Variants in ARHGAP15 observed in about 807,000 individuals in gnomAD.
The protein encoded by ARHGAP15 is Rho GTPase activating protein 15, also known as rho GTPase-activating protein 15.
In ARHGAP15, 51 loss-of-function variants were observed where a neutral mutation model predicts 63.7. That is an observed-to-expected ratio of 0.80 (90% CI 0.64 to 1.01). The LOEUF (loss-of-function observed/expected upper bound fraction) is 1.01, where lower values mean the gene tolerates loss of function less well. Ranked by LOEUF, ARHGAP15 falls within the 50% of genes least tolerant of loss-of-function variation. The pLI is 0.00. For synonymous variants in ARHGAP15, 191 were observed against 193.8 expected (o/e 0.99, Z 0.12); for missense variants, 560 against 564.6 (o/e 0.99, Z 0.08).
chr2:143,313,303 A>G (rs111870018), intron 6 of ARHGAP15, among the ~76,000 whole-genome samples: 4 of 152,304 alleles, frequency 2.6e-5, no homozygotes, highest in African/African-American at 7.2e-5. Context: ...TGCTAAGAGA[A>G]AAGCAAGTAA....
chr2:143,195,592 A>T (rs1691859523), intron 2 of ARHGAP15, among the ~76,000 whole-genome samples: 1 of 152,196 alleles, frequency 6.6e-6, no homozygotes, highest in Non-Finnish European at 1.5e-5. Flanking sequence ...AAGAATTGGG[A>T]TACACCAAAA....
chr2:143,637,210 G>C (rs1432614513), intron 12 of ARHGAP15, among the ~76,000 whole-genome samples: 1 of 152,022 alleles, frequency 6.6e-6, no homozygotes, highest in Admixed American at 6.6e-5. Flanking sequence ...ATACTTCAGT[G>C]GACCGTTTTA....
At chr2:143,720,642 G>A (rs905306082) in intron 13 of ARHGAP15, among the ~76,000 whole-genome samples, 3 of 152,156 alleles carry the variant, frequency 2.0e-5, no homozygotes, top group Non-Finnish European at 4.4e-5. Flanking sequence ...TGGACAATAG[G>A]AACTGTGAAG....
At chr2:143,698,413 G>A (rs1299829101) in intron 12 of ARHGAP15, among the ~76,000 whole-genome samples, 1 of 152,166 alleles carries the variant, frequency 6.6e-6, no homozygotes, top group Non-Finnish European at 1.5e-5. Context: ...TGAAAAATGT[G>A]CCCTCAAAAC....
chr2:143,740,731 G>A (rs1231149548), intron 13 of ARHGAP15, among the ~76,000 whole-genome samples: 2 of 152,100 alleles, frequency 1.3e-5, no homozygotes, highest in Non-Finnish European at 2.9e-5. Flanking sequence ...ACTGTCAGTA[G>A]CACAGAGCTA....
intron 10 of ARHGAP15, among the ~76,000 whole-genome samples, chr2:143,521,551 G>T (rs776225927): frequency 6.6e-6 from 1 of 152,096 alleles, no homozygotes; most frequent in East Asian, 1.9e-4. Context: ...ATATAAAGGC[G>T]CCAAGTCTCT....
At chr2:143,176,908 C>T (rs923428880) in intron 2 of ARHGAP15, among the ~76,000 whole-genome samples, 7 of 152,144 alleles carry the variant, frequency 4.6e-5, no homozygotes, top group Admixed American at 4.6e-4. Context: ...GGCTCTCTTT[C>T]CTTCCACATG....
chr2:143,626,111 G>GA (rs1698824606), intron 12 of ARHGAP15, among the ~76,000 whole-genome samples: 1 of 152,168 alleles, frequency 6.6e-6, no homozygotes, highest in African/African-American at 2.4e-5. Flanking sequence ...GGCATGGTAA[G>GA]AACGGAACAT....
intron 12 of ARHGAP15, among the ~76,000 whole-genome samples, chr2:143,644,007 C>T (rs1484323355): frequency 1.3e-5 from 2 of 152,152 alleles, no homozygotes; most frequent in African/African-American, 2.4e-5. Context: ...AAGTACAATA[C>T]ATTTTCCTTA....
intron 5 of ARHGAP15, among the ~76,000 whole-genome samples, chr2:143,229,276 T>A (rs1473195252): frequency 1.3e-5 from 2 of 152,182 alleles, no homozygotes; most frequent in Admixed American, 1.3e-4. Flanking sequence ...TTTATCTTCG[T>A]CTAACTGTGA....
chr2:143,470,957 TATC>T (rs1225259484), intron 8 of ARHGAP15, among the ~76,000 whole-genome samples: 6 of 135,182 alleles, frequency 4.4e-5, no homozygotes, highest in South Asian at 2.4e-4. Flanking sequence ...CACACATGTG[TATC>T]ATATGTGTGT....
intron 12 of ARHGAP15, among the ~76,000 whole-genome samples, chr2:143,654,606 GAATA>G (rs1681337066): frequency 6.6e-6 from 1 of 152,122 alleles, no homozygotes. Context: ...GTCATTCTGA[GAATA>G]GATACAAGCA....
intron 11 of ARHGAP15, among the ~76,000 whole-genome samples, chr2:143,599,391 G>T (rs72992526): frequency 0.17 from 26,385 of 152,046 alleles, 2,868 homozygotes; most frequent in Middle Eastern, 0.27. Context: ...TGAGAAAGAT[G>T]TGTGAACATG....
chr2:143,524,712 A>G (rs1044656947), intron 10 of ARHGAP15, among the ~76,000 whole-genome samples: 3 of 152,230 alleles, frequency 2.0e-5, no homozygotes, highest in African/African-American at 7.2e-5. Flanking sequence ...CTATTTGGAT[A>G]TGTGTGTTAA....
At chr2:143,350,001 A>C (rs1685483743) in intron 6 of ARHGAP15, among the ~76,000 whole-genome samples, 1 of 152,190 alleles carries the variant, frequency 6.6e-6, no homozygotes, top group African/African-American at 2.4e-5. Context: ...TTTTGACAAC[A>C]CATTAAAATA....
chr2:143,283,222 CAAT>C (rs1331714503), intron 6 of ARHGAP15, among the ~76,000 whole-genome samples: 4 of 152,110 alleles, frequency 2.6e-5, no homozygotes, highest in African/African-American at 7.2e-5. Context: ...GGCAAGAGAT[CAAT>C]AATGTCACAC....
Position 143,573,357 on chromosome 2 carries a change from G to A in ARHGAP15, c.1003+16872G>A, listed in dbSNP as rs371273602. 8.5e-5 allele frequency among the ~76,000 whole-genome samples: 13 copies of A among 152,132 alleles called. No homozygotes were observed. In the South Asian group the frequency reaches 1.0e-3, roughly 12 times the overall value. ...ATTAATGGTCCCTCTGCTAGAAAAC[G>A]AAAATACTCCCAAATATGTTCCACT... On this transcript the variant is annotated intron_variant, in intron 11 of 13. Transcript: ENST00000295095.
At chr2:143,648,412 T>C (rs1427578635) in intron 12 of ARHGAP15, among the ~76,000 whole-genome samples, 1 of 152,048 alleles carries the variant, frequency 6.6e-6, no homozygotes. Context: ...GAACATATAT[T>C]ATTTTTCCCT....
intron 13 of ARHGAP15, among the ~76,000 whole-genome samples, chr2:143,728,206 T>G (rs1405198527): frequency 6.6e-6 from 1 of 152,252 alleles, no homozygotes; most frequent in Non-Finnish European, 1.5e-5. Flanking sequence ...GCCACCTTCT[T>G]GCTGTTTTAC....
Sources: allele counts gnomAD v4.1 joint callset (sites outside exome capture counted in the v4.1 genomes callset), GRCh38; gene constraint gnomAD v4.1.1; transcripts MANE v1.5; gene names NCBI Gene and HGNC (gene_info 2026-07-23, HGNC 2026-07-21).